Variants in SKIC8 observed in about 807,000 individuals in gnomAD.
SKIC8 encodes SKI8 subunit of superkiller complex, also known as superkiller complex protein 8.
At chr15:78,288,662 C>T in the SKIC8 span, among the ~76,000 whole-genome samples, 1 of 152,120 alleles carries the variant, frequency 6.6e-6, no homozygotes, top group Non-Finnish European at 1.5e-5. Context: ...TATGGCCACA[C>T]AAGGATATAT....
the SKIC8 span, chr15:78,284,618 T>G: frequency 6.6e-6 from 1 of 152,178 alleles, no homozygotes; most frequent in Non-Finnish European, 1.5e-5. Flanking sequence ...TGAAGCAGCA[T>G]CTGCATTTTC....
the SKIC8 span, chr15:78,294,781 G>T: frequency 1.7e-6 from 1 of 587,238 alleles, no homozygotes; most frequent in Non-Finnish European, 2.9e-6. Flanking sequence ...TGTTGTTGTT[G>T]TTGTTGTTGT....
chr15:78,289,971 A>G, the SKIC8 span: 2 of 1,613,646 alleles, frequency 1.2e-6, no homozygotes, highest in Non-Finnish European at 1.7e-6. Context: ...CTAAGAATGA[A>G]TTTTCCTCTC....
the SKIC8 span, chr15:78,289,878 G>A: frequency 2.5e-6 from 4 of 1,571,782 alleles, no homozygotes; most frequent in South Asian, 4.7e-5. Flanking sequence ...CAGAATCTGT[G>A]GCAAGGACTG....
the SKIC8 span, chr15:78,288,346 G>A: frequency 9.9e-6 from 16 of 1,613,776 alleles, no homozygotes; most frequent in East Asian, 8.9e-5. Context: ...CTGGGAGTCC[G>A]GGGAAAAGGT....
the SKIC8 span, among the ~76,000 whole-genome samples, chr15:78,288,011 G>T: frequency 6.6e-6 from 1 of 152,146 alleles, no homozygotes; most frequent in Admixed American, 6.5e-5. Context: ...CTATCCCAAA[G>T]AATTTGAAAT....
the SKIC8 span, chr15:78,286,252 T>G: frequency 1.3e-6 from 1 of 779,310 alleles, no homozygotes; most frequent in East Asian, 2.7e-5. Flanking sequence ...ATCCTTATAA[T>G]GACCATGAAT....
chr15:78,289,393 C>T, the SKIC8 span, among the ~76,000 whole-genome samples: 7 of 151,674 alleles, frequency 4.6e-5, no homozygotes, highest in Admixed American at 3.9e-4. Context: ...AGCCTGGGAG[C>T]GAGACCCTGT....
chr15:78,286,997 C>A, the SKIC8 span: 1 of 152,158 alleles, frequency 6.6e-6, no homozygotes, highest in African/African-American at 2.4e-5. Context: ...ATGTACAACA[C>A]AAAGAGTAAA....
At chr15:78,284,805 C>T in the SKIC8 span, 1 of 154,524 alleles carries the variant, frequency 6.5e-6, no homozygotes. Context: ...TATGAATTTC[C>T]AGCTTCTACT....
the SKIC8 span, among the ~76,000 whole-genome samples, chr15:78,294,038 T>C: frequency 2.0e-5 from 3 of 152,176 alleles, no homozygotes; most frequent in African/African-American, 4.8e-5. Context: ...TCCCAAAATA[T>C]GAATATAAAG....
the SKIC8 span, among the ~76,000 whole-genome samples, chr15:78,297,578 A>G: frequency 1.3e-5 from 2 of 152,248 alleles, no homozygotes; most frequent in Non-Finnish European, 2.9e-5. Flanking sequence ...GAGCTTACAC[A>G]ATATCATGAT....
At chr15:78,285,329 T>C in the SKIC8 span, 2 of 1,614,256 alleles carry the variant, frequency 1.2e-6, no homozygotes, top group Admixed American at 3.3e-5. Context: ...TTTACACTTT[T>C]GTCAGACGAA....
chr15:78,292,044 C>T, the SKIC8 span: 1 of 151,460 alleles, frequency 6.6e-6, no homozygotes, highest in Admixed American at 6.6e-5. Flanking sequence ...TGCTGTTCTA[C>T]AGTACTTAAA....
At chr15:78,290,082 C>T in the SKIC8 span, 5 of 1,613,852 alleles carry the variant, frequency 3.1e-6, no homozygotes, top group Non-Finnish European at 2.5e-6. Flanking sequence ...GGAGAAAAGG[C>T]CAAAGTCCAG....
chr15:78,288,503 G>T, the SKIC8 span: 1 of 940,388 alleles, frequency 1.1e-6, no homozygotes, highest in Non-Finnish European at 1.6e-6. Flanking sequence ...GGTGCTTCAG[G>T]CAGAAAAGCA....
At chr15:78,294,876 CA>C in the SKIC8 span, 20 of 1,597,708 alleles carry the variant, frequency 1.3e-5, no homozygotes, top group African/African-American at 2.7e-4. Flanking sequence ...GTCAGCATGA[CA>C]AAAGTCTTAA....
chr15:78,290,129 A>G, the SKIC8 span: 1 of 1,586,248 alleles, frequency 6.3e-7, no homozygotes, highest in Non-Finnish European at 8.5e-7. Context: ...ACAAAAATAC[A>G]GTGTGAAAAG....
At chr15:78,295,771 T>C in the SKIC8 span, 2 of 1,459,246 alleles carry the variant, frequency 1.4e-6, no homozygotes, top group Non-Finnish European at 1.8e-6. Context: ...GTCATCAGGA[T>C]AGAAGGCACA....
Sources: allele counts gnomAD v4.1 joint callset (sites outside exome capture counted in the v4.1 genomes callset), GRCh38; gene constraint gnomAD v4.1.1; transcripts MANE v1.5; gene names NCBI Gene and HGNC (gene_info 2026-07-23, HGNC 2026-07-21).